The following GABPB1 variants were observed in gnomAD, a reference collection of about 807,000 sequenced individuals.
The protein encoded by GABPB1 is GA binding protein transcription factor subunit beta 1.
A neutral mutation model predicts 45.9 loss-of-function variants in GABPB1; 15 were observed. The ratio of observed to expected loss-of-function variants is 0.33; its 90% CI spans 0.22 to 0.50. The LOEUF (loss-of-function observed/expected upper bound fraction) is 0.50, where lower values mean the gene tolerates loss of function less well. GABPB1 is among the 20% of genes least tolerant of loss of function. The probability of loss-of-function intolerance (pLI) is 0.98; values close to 1 mark genes in which losing one functional copy is unlikely to be tolerated. For missense variants in GABPB1, 252 were observed against 457.5 expected (o/e 0.55, Z 4.10); for synonymous variants, 143 against 154.4 (o/e 0.93, Z 0.55).
chr15:50,277,545 AAAGG>A lies in GABPB1; in HGVS notation c.*1083_*1086del, dbSNP rs1250911901. On this transcript the variant is annotated 3_prime_UTR_variant, in exon 9 of 9. Transcript: ENST00000380877. Reference sequence around the variant, plus strand: ...TCATAGCACAGACACTGAGCTTTCAAAAGGAAAAGTAGAAGTTACATTAGACATG... The same window carrying A: ...TCATAGCACAGACACTGAGCTTTCAAAAAAGTAGAAGTTACATTAGACATG... 1.3e-5 allele frequency: 2 copies of A among 152,276 alleles called. No individual in the cohort carries two copies. Among genetic ancestry groups the A allele is most frequent in the Non-Finnish European group, 2.9e-5 (2 of 68,026 alleles). The allele number at this position is 152,276 out of a possible 1,614,324, so 9.4% of individuals were successfully genotyped here.
chr15:50,328,585 A>G (rs891134311), intron 1 of GABPB1, among the ~76,000 whole-genome samples: 12 of 152,190 alleles, frequency 7.9e-5, no homozygotes, highest in Non-Finnish European at 8.8e-5. Context: ...TTTTTGGATC[A>G]CTTTTAATGA....
chr15:50,300,698 C>A, intron 6 of GABPB1, 91 bp downstream of exon 6: 1 of 760,976 alleles, frequency 1.3e-6, no homozygotes, highest in South Asian at 1.5e-5. Context: ...ACCCGCCTCG[C>A]CCTCCCAAAG....
intron 1 of GABPB1, among the ~76,000 whole-genome samples, chr15:50,339,506 A>C (rs573224975): frequency 9.9e-5 from 15 of 151,908 alleles, no homozygotes; most frequent in African/African-American, 3.6e-4. Context: ...CTTGGAAAAA[A>C]AAAAAAAAAC....
At chr15:50,304,604 A>T (rs2046875270) in intron 2 of GABPB1, among the ~76,000 whole-genome samples, 1 of 151,862 alleles carries the variant, frequency 6.6e-6, no homozygotes, top group African/African-American at 2.4e-5. Flanking sequence ...CCAGCTACTC[A>T]GGAGGCTAAG....
chr15:50,325,179 T>C (rs77222417), intron 1 of GABPB1, among the ~76,000 whole-genome samples: 2,849 of 151,984 alleles, frequency 0.019, 45 homozygotes, highest in Middle Eastern at 0.034. Context: ...ATTGTTTCCA[T>C]GAGGAAGAGG....
chr15:50,341,722 CAT>C (rs2048381924), intron 1 of GABPB1, among the ~76,000 whole-genome samples: 4 of 152,106 alleles, frequency 2.6e-5, no homozygotes, highest in Admixed American at 2.6e-4. Context: ...TTTTGTACAA[CAT>C]AGCCCACAAA....
chr15:50,304,669 C>CCACT (rs1487051524), intron 2 of GABPB1, among the ~76,000 whole-genome samples: 1 of 151,344 alleles, frequency 6.6e-6, no homozygotes, highest in African/African-American at 2.4e-5. Context: ...CGAGATCGCG[C>CCACT]CACTGCACTC....
chr15:50,342,739 T>A (rs1201939770), intron 1 of GABPB1, among the ~76,000 whole-genome samples: 1 of 152,150 alleles, frequency 6.6e-6, no homozygotes, highest in Admixed American at 6.5e-5. Context: ...GTAACATATA[T>A]AGATAATTAC....
At chr15:50,347,400 ATTTTT>A in intron 1 of GABPB1, 1 of 152,064 alleles carries the variant, frequency 6.6e-6, no homozygotes, top group South Asian at 2.1e-4. Context: ...AATTTTTTTT[ATTTTT>A]TATTATTAAA....
At chr15:50,304,857 T>C (rs2046886976) in intron 2 of GABPB1, among the ~76,000 whole-genome samples, 1 of 152,188 alleles carries the variant, frequency 6.6e-6, no homozygotes, top group Non-Finnish European at 1.5e-5. Context: ...ACAGTGTACA[T>C]TTTTACTTTA....
chr15:50,343,179 G>A (rs879921322), intron 1 of GABPB1, among the ~76,000 whole-genome samples: 6 of 152,036 alleles, frequency 3.9e-5, no homozygotes, highest in African/African-American at 1.2e-4. Context: ...GATTACAGGC[G>A]TGAGCCACCG....
At chr15:50,308,216 G>A (rs1197875087) in intron 2 of GABPB1, among the ~76,000 whole-genome samples, 1 of 152,236 alleles carries the variant, frequency 6.6e-6, no homozygotes, top group African/African-American at 2.4e-5. Flanking sequence ...AGCCTGGGAT[G>A]AAGGCAGGTT....
intron 1 of GABPB1, among the ~76,000 whole-genome samples, chr15:50,321,262 T>C (rs934103435): frequency 5.3e-5 from 8 of 152,166 alleles, no homozygotes; most frequent in African/African-American, 1.9e-4. Context: ...TACCAAAAGA[T>C]TGTAGCAACT....
intron 8 of GABPB1, among the ~76,000 whole-genome samples, chr15:50,282,634 TA>T (rs568806575): frequency 1.2e-4 from 16 of 128,558 alleles, no homozygotes; most frequent in South Asian, 2.5e-4. Flanking sequence ...AAGATAGCCA[TA>T]AAAAAAAAAG....
At chr15:50,288,321 G>C (rs756191646) in intron 7 of GABPB1, among the ~76,000 whole-genome samples, 2 of 152,180 alleles carry the variant, frequency 1.3e-5, no homozygotes, top group Non-Finnish European at 2.9e-5. Flanking sequence ...ATTCCAAAGT[G>C]CTGGGATTAT....
At chr15:50,305,534 G>C (rs1241696061) in intron 2 of GABPB1, among the ~76,000 whole-genome samples, 1 of 151,978 alleles carries the variant, frequency 6.6e-6, no homozygotes, top group East Asian at 1.9e-4. Context: ...ACATTTTTAA[G>C]AGAAGGTCAT....
At chr15:50,285,743 A>T in intron 8 of GABPB1, 1 of 969,542 alleles carries the variant, frequency 1.0e-6, no homozygotes, top group Non-Finnish European at 1.3e-6. Context: ...TAGCCAATAT[A>T]TACTGGTATT....
chr15:50,303,108 T>C lies in GABPB1; in HGVS notation c.292A>G (p.Asn98Asp). ...GTCATCTTTAACATGTCCTTTGCATTGACATCAGCACCATGCTACAAAAAT... is the reference window on the plus strand; with the variant it reads ...GTCATCTTTAACATGTCCTTTGCATCGACATCAGCACCATGCTACAAAAAT... ...EVLLKHGADVNAKDMLKMTAL... is the reference protein window; with the variant it reads ...EVLLKHGADVDAKDMLKMTAL... The change falls in exon 4 of 9, where the codon AAT (asparagine) becomes GAT (aspartate). Residue 98 changes from asparagine (N) to aspartate (D), a missense_variant. Coordinates refer to ENST00000380877, the MANE Select transcript of GABPB1 (RefSeq NM_016654.5). 6.2e-7 allele frequency: 1 copy of C among 1,610,134 alleles called. No individual in the cohort carries two copies. The highest frequency in any genetic ancestry group is 8.5e-7 in the Non-Finnish European group (1 of 1,178,790).
intron 1 of GABPB1, 193 bp downstream of exon 1, chr15:50,354,778 AGCGGCGGCGCGGGC>A (rs1567562990): frequency 4.2e-6 from 1 of 236,634 alleles, no homozygotes; most frequent in Non-Finnish European, 8.4e-6. Flanking sequence ...GACAAAGCGC[AGCGGCGGCGCGGGC>A]GCCCAGGCCG....
Sources: gnomAD v4.1 joint callset for allele counts (sites outside exome capture counted in the v4.1 genomes callset) on GRCh38, gnomAD v4.1.1 for gene constraint, MANE v1.5 for transcripts, NCBI Gene and HGNC (gene_info 2026-07-23, HGNC 2026-07-21) for gene names.